The following FAM117B variants were observed in gnomAD, a reference collection of about 807,000 sequenced individuals.
FAM117B encodes protein FAM117B.
In FAM117B, 22 loss-of-function variants were observed where a neutral mutation model predicts 52.8. The ratio of observed to expected loss-of-function variants is 0.42; its 90% CI spans 0.30 to 0.59. The LOEUF (loss-of-function observed/expected upper bound fraction) is 0.59, where lower values mean the gene tolerates loss of function less well. Ranked by LOEUF, FAM117B falls within the 20% of genes least tolerant of loss-of-function variation. The pLI is 0.22. For synonymous variants in FAM117B, 309 were observed against 324.1 expected, an observed-to-expected ratio of 0.95 and a Z score of 0.50; for missense variants, 678 against 802.6, an observed-to-expected ratio of 0.84 and a Z score of 1.88.
chr2:202,723,530 A>G (rs1258487488), intron 2 of FAM117B, among the ~76,000 whole-genome samples: 2 of 152,110 alleles, frequency 1.3e-5, no homozygotes, highest in African/African-American at 4.8e-5. Context: ...CACGGTACTG[A>G]GCCTTGAGGT....
intron 2 of FAM117B, among the ~76,000 whole-genome samples, chr2:202,723,385 A>G (rs1199412425): frequency 6.6e-6 from 1 of 152,184 alleles, no homozygotes; most frequent in Non-Finnish European, 1.5e-5. Context: ...ACAGAAGGGT[A>G]TACACTAAGG....
chr2:202,752,968 A>G (rs966522899), intron 4 of FAM117B, among the ~76,000 whole-genome samples: 2 of 152,242 alleles, frequency 1.3e-5, no homozygotes, highest in East Asian at 1.9e-4. Flanking sequence ...ATTCAATGCT[A>G]TTCCCATCAA....
intron 4 of FAM117B, among the ~76,000 whole-genome samples, chr2:202,751,771 CAAAA>C (rs397868272): frequency 2.6e-5 from 2 of 76,188 alleles, no homozygotes; most frequent in Non-Finnish European, 4.9e-5. Context: ...GACTCCATCT[CAAAA>C]AAAAAAAAAA....
chr2:202,764,429 T>A (rs987641180), intron 7 of FAM117B, among the ~76,000 whole-genome samples: 11 of 151,674 alleles, frequency 7.3e-5, no homozygotes, highest in Non-Finnish European at 1.5e-4. Context: ...CAGACTAGAT[T>A]ATTTTTTTTT....
chr2:202,707,855 G>A (rs1179843935), intron 2 of FAM117B, among the ~76,000 whole-genome samples: 3 of 150,860 alleles, frequency 2.0e-5, no homozygotes, highest in Admixed American at 1.3e-4. Flanking sequence ...TGCAGCCTCC[G>A]CCTCCCAGGT....
chr2:202,640,342 A>ATATG (rs1483516394), intron 1 of FAM117B, among the ~76,000 whole-genome samples: 1 of 114,854 alleles, frequency 8.7e-6, no homozygotes, highest in Non-Finnish European at 1.8e-5. Context: ...ATATATATAT[A>ATATG]TGGCAAGTCG....
rs1473325020 is a variant in FAM117B at position 202,767,893 on chromosome 2, A to G, written c.*2129A>G. ...CTAATTTATTTGGAACTAGTACGTT[A>G]TGGCTTCTCAGTCATGAAAAGCTCA... On this transcript the variant is annotated 3_prime_UTR_variant, in exon 8 of 8. Transcript: ENST00000392238. 6.6e-6 allele frequency: 1 copy of G among 152,230 alleles called. No homozygotes were observed. Among genetic ancestry groups the G allele is most frequent in the African/African-American group, 2.4e-5 (1 of 41,466 alleles). The allele number at this position is 152,230 out of a possible 1,614,324, so 9.4% of individuals were successfully genotyped here.
Position 202,714,156 on chromosome 2 carries a change from G to A in FAM117B, c.754-10761G>A, listed in dbSNP as rs539022766. ...TATTGATATCTAGTTTTATTCCACT[G>A]TGGTCAGTGAAGATGCTTGATATTA... On this transcript the variant is annotated intron_variant, in intron 2 of 7. Transcript: ENST00000392238. 1.2e-4 allele frequency among the ~76,000 whole-genome samples: 18 copies of A among 151,976 alleles called. No homozygotes were observed. In the South Asian group the frequency reaches 2.9e-3, roughly 25 times the overall value.
chr2:202,672,449 A>G (rs1690312543), intron 1 of FAM117B, among the ~76,000 whole-genome samples: 1 of 152,168 alleles, frequency 6.6e-6, no homozygotes, highest in African/African-American at 2.4e-5. Context: ...CCTGATCTCA[A>G]GTGATCCACC....
chr2:202,708,166 G>A (rs184231707), intron 2 of FAM117B, among the ~76,000 whole-genome samples: 2 of 152,278 alleles, frequency 1.3e-5, no homozygotes, highest in Admixed American at 1.3e-4. Flanking sequence ...TTATACAGCA[G>A]ATCTCTAGAA....
intron 1 of FAM117B, among the ~76,000 whole-genome samples, chr2:202,671,640 A>G (rs1690300080): frequency 6.6e-6 from 1 of 152,248 alleles, no homozygotes; most frequent in Admixed American, 6.5e-5. Context: ...AGATTCAGCT[A>G]TGAATGGTGA....
chr2:202,754,291 C>T (rs551233505), intron 4 of FAM117B, among the ~76,000 whole-genome samples: 8 of 152,124 alleles, frequency 5.3e-5, no homozygotes, highest in Non-Finnish European at 7.4e-5. Flanking sequence ...AACTGAACAC[C>T]GCATGTTCTC....
chr2:202,735,986 T>C (rs1691433188), intron 4 of FAM117B, among the ~76,000 whole-genome samples: 1 of 152,154 alleles, frequency 6.6e-6, no homozygotes, highest in Non-Finnish European at 1.5e-5. Context: ...TACTATAGCC[T>C]CAAGCAAGAA....
chr2:202,706,980 T>C (rs1690880210), intron 2 of FAM117B, among the ~76,000 whole-genome samples: 1 of 152,222 alleles, frequency 6.6e-6, no homozygotes, highest in Non-Finnish European at 1.5e-5. Context: ...TCCTGTCCTT[T>C]CTTATTTCAC....
At position 202,635,561 on chromosome 2, in the gene FAM117B, C is replaced by T. The variant is rs1285201208; in HGVS notation, c.374C>T (p.Pro125Leu). ...ASATSTRGTS[P>L]TRSAAPGARG... ...GCGACGTCCACGCGAGGCACCAGCCCCACGCGCAGCGCCGCGCCTGGAGCT... is the reference window on the plus strand; with the variant it reads ...GCGACGTCCACGCGAGGCACCAGCCTCACGCGCAGCGCCGCGCCTGGAGCT... Residue 125 changes from proline (P) to leucine (L), a missense_variant, in exon 1 of 8, where the codon CCC becomes CTC. Around this residue, in one of 3 missense-constraint regions of FAM117B, gnomAD observed 583 missense variants for 644.8 expected, o/e 0.90. Transcript: ENST00000392238. 3 of 1,218,020 alleles carry T rather than the reference C, an allele frequency of 2.5e-6. No individual in the cohort carries two copies. The highest frequency in any genetic ancestry group is 7.1e-5 in the East Asian group (2 of 28,146). The allele number at this position is 1,218,020 out of a possible 1,614,324, so 75.5% of individuals were successfully genotyped here.
chr2:202,635,472 G>A lies in FAM117B; in HGVS notation c.285G>A (p.Thr95=). The A allele has an allele frequency of 9.5e-7, 1 of 1,055,492 alleles. No individual in the cohort carries two copies. The highest frequency in any genetic ancestry group is 1.1e-6 in the Non-Finnish European group (1 of 879,228). 65.4% of individuals were successfully genotyped at this position (1,055,492 alleles called of 1,614,324 possible). A position where few individuals can be genotyped will look rare whatever the true frequency, so the allele number is the denominator to read the frequency against. ...PRTASRSTSP[T]RGGGNAAART... is the part of the protein sequence containing the mutation. ...CCGCCTCGCGCAGCACCAGCCCCAC[G>A]CGCGGCGGCGGGAACGCGGCCGCGC... is the stretch of plus-strand genomic sequence containing the variant. The change falls in exon 1 of 8, where the codon ACG becomes ACA. Residue 95 remains threonine, a synonymous_variant. Coordinates refer to ENST00000392238, the MANE Select transcript of FAM117B (RefSeq NM_173511.4).
intron 1 of FAM117B, 142 bp from the exon 2 acceptor site, chr2:202,695,739 C>T (rs777066808): frequency 1.2e-5 from 9 of 781,426 alleles, no homozygotes; most frequent in Admixed American, 9.0e-5. Flanking sequence ...GGCATCTTTA[C>T]TGGGGGTCTT....
Position 202,769,306 on chromosome 2 carries a change from A to G in FAM117B, c.*3542A>G, listed in dbSNP as rs1030395868. On this transcript the variant is annotated 3_prime_UTR_variant, in exon 8 of 8. Transcript: ENST00000392238. ...AGATTTTCTTTTGTGAAGGAAAATA[A>G]AAGAAAATTTGCCACTACTGCATTT... is the stretch of plus-strand genomic sequence containing the variant. 3 of 152,670 alleles carry G rather than the reference A, an allele frequency of 2.0e-5. No homozygotes were observed. Among genetic ancestry groups the G allele is most frequent in the Non-Finnish European group, 4.4e-5 (3 of 68,040 alleles). 9.5% of individuals were successfully genotyped at this position (152,670 alleles called of 1,614,324 possible). A position where few individuals can be genotyped will look rare whatever the true frequency, so the allele number is the denominator to read the frequency against.
intron 2 of FAM117B, among the ~76,000 whole-genome samples, chr2:202,714,398 G>A (rs1036190201): frequency 6.6e-6 from 1 of 152,144 alleles, no homozygotes; most frequent in African/African-American, 2.4e-5. Flanking sequence ...AGTACTGAAA[G>A]TGGGGTGGTG....
Sources: gnomAD v4.1 joint callset for allele counts (sites outside exome capture counted in the v4.1 genomes callset) on GRCh38, gnomAD v4.1.1 for gene constraint, gnomAD v4.1.1 regional missense constraint, MANE v1.5 for transcripts, NCBI Gene and HGNC (gene_info 2026-07-23, HGNC 2026-07-21) for gene names.